The following ADAM2 variants were observed in gnomAD, a reference collection of about 807,000 sequenced individuals.
ADAM2 encodes the protein ADAM metallopeptidase domain 2.
A neutral mutation model predicts 99.3 loss-of-function variants in ADAM2; 101 were observed. That is an observed-to-expected ratio of 1.02 (90% CI 0.87 to 1.20). The LOEUF is 1.20. ADAM2 is among the 50% of genes most tolerant of loss of function. The pLI is 0.00. For missense variants in ADAM2, 948 were observed against 878.7 expected, an observed-to-expected ratio of 1.08 and a Z score of -1.00; for synonymous variants, 323 against 287.6, an observed-to-expected ratio of 1.12 and a Z score of -1.25.
intron 10 of ADAM2, among the ~76,000 whole-genome samples, chr8:39,778,426 T>A (rs1803085453): frequency 6.6e-6 from 1 of 152,076 alleles, no homozygotes; most frequent in Admixed American, 6.6e-5. Flanking sequence ...TACTACATCA[T>A]TGCAAGGATG....
intron 15 of ADAM2, among the ~76,000 whole-genome samples, chr8:39,756,472 C>A (rs1802156887): frequency 6.6e-6 from 1 of 152,178 alleles, no homozygotes; most frequent in Non-Finnish European, 1.5e-5. Flanking sequence ...TTGGCCCTTG[C>A]ATCCTGTTTG....
At chr8:39,754,972 T>A (rs2129583263) in intron 16 of ADAM2, among the ~76,000 whole-genome samples, 1 of 152,326 alleles carries the variant, frequency 6.6e-6, no homozygotes, top group Admixed American at 6.5e-5. Context: ...GAAAAATTGA[T>A]GGAAGGTTCA....
At chr8:39,778,609 C>G (rs962867763) in intron 10 of ADAM2, among the ~76,000 whole-genome samples, 1 of 151,922 alleles carries the variant, frequency 6.6e-6, no homozygotes, top group Non-Finnish European at 1.5e-5. Flanking sequence ...CTCCATTTAT[C>G]AAATTTCCAC....
At chr8:39,827,526 T>A (rs541496351) in intron 3 of ADAM2, among the ~76,000 whole-genome samples, 1 of 152,124 alleles carries the variant, frequency 6.6e-6, no homozygotes, top group Non-Finnish European at 1.5e-5. Context: ...GCAGTATATA[T>A]GCACAATGGA....
At chr8:39,797,195 G>T (rs922359520) in intron 7 of ADAM2, among the ~76,000 whole-genome samples, 1 of 152,184 alleles carries the variant, frequency 6.6e-6, no homozygotes, top group East Asian at 1.9e-4. Context: ...TTACATTTAA[G>T]TCTTTAATCC....
chr8:39,822,607 C>T (rs1455444432), intron 4 of ADAM2, among the ~76,000 whole-genome samples: 1 of 152,104 alleles, frequency 6.6e-6, no homozygotes, highest in Non-Finnish European at 1.5e-5. Flanking sequence ...TTTCTTTCTA[C>T]TTCATTTAGA....
chr8:39,768,299 A>G (rs1210754410), intron 12 of ADAM2, among the ~76,000 whole-genome samples: 2 of 152,166 alleles, frequency 1.3e-5, no homozygotes, highest in Non-Finnish European at 2.9e-5. Flanking sequence ...ATATCTCAGG[A>G]TCTATAAACA....
At chr8:39,791,711 G>A (rs1216997318) in intron 7 of ADAM2, among the ~76,000 whole-genome samples, 1 of 152,010 alleles carries the variant, frequency 6.6e-6, no homozygotes, top group Non-Finnish European at 1.5e-5. Context: ...GTGTTTTGTG[G>A]TGCTCCATTA....
At position 39,777,041 on chromosome 8, in the gene ADAM2, T is replaced by C. The variant is rs1671183759; in HGVS notation, c.1012A>G (p.Met338Val). 1.1e-5 allele frequency: 17 copies of C among 1,579,348 alleles called. No individual in the cohort carries two copies. The highest frequency in any genetic ancestry group is 1.5e-5 in the Non-Finnish European group (17 of 1,149,458). The part of the protein sequence containing the change: ...KCQCSGAVCI[M>V]NPEAIHFSGV... The stretch of plus-strand genomic sequence containing the variant: ...AAATCTTACATTGCTTCTGGATTCA[T>C]AATGCAGACAGCTCCTGAGCACTGG... Residue 338 changes from methionine to valine, a missense_variant, in exon 11 of 21, where the codon ATG becomes GTG. Coordinates refer to ENST00000265708, the MANE Select transcript of ADAM2 (RefSeq NM_001464.5).
At chr8:39,780,256 A>C (rs759445209) in intron 10 of ADAM2, among the ~76,000 whole-genome samples, 16 of 152,082 alleles carry the variant, frequency 1.1e-4, no homozygotes, top group Non-Finnish European at 1.8e-4. Flanking sequence ...CCATGATTCA[A>C]TACCTCCCAC....
chr8:39,748,377 A>T (rs966003529), intron 18 of ADAM2, among the ~76,000 whole-genome samples: 1 of 152,172 alleles, frequency 6.6e-6, no homozygotes, highest in Non-Finnish European at 1.5e-5. Context: ...AGCCAATGGG[A>T]AGATAAGCTA....
At chr8:39,770,541 TA>T (rs368742108) in intron 11 of ADAM2, among the ~76,000 whole-genome samples, 4 of 152,212 alleles carry the variant, frequency 2.6e-5, no homozygotes, top group Non-Finnish European at 4.4e-5. Flanking sequence ...ACAAATGAGT[TA>T]AAGTCTTGGT....
At chr8:39,819,592 T>G (rs1044457795) in intron 6 of ADAM2, among the ~76,000 whole-genome samples, 1 of 152,132 alleles carries the variant, frequency 6.6e-6, no homozygotes, top group African/African-American at 2.4e-5. Flanking sequence ...TACTCTTCAT[T>G]ATGTGGGTGA....
chr8:39,804,379 G>A (rs1804350015), intron 7 of ADAM2, among the ~76,000 whole-genome samples: 1 of 152,064 alleles, frequency 6.6e-6, no homozygotes, highest in South Asian at 2.1e-4. Flanking sequence ...TTCAATGGAA[G>A]AACTGAGTAC....
At chr8:39,808,164 C>G (rs1226384964) in intron 7 of ADAM2, among the ~76,000 whole-genome samples, 2 of 147,938 alleles carry the variant, frequency 1.4e-5, no homozygotes, top group Non-Finnish European at 3.0e-5. Context: ...ACAAAATGAT[C>G]CTGTATGCAG....
At chr8:39,776,495 G>A (rs576367519) in intron 11 of ADAM2, among the ~76,000 whole-genome samples, 11 of 152,076 alleles carry the variant, frequency 7.2e-5, no homozygotes, top group Admixed American at 2.0e-4. Flanking sequence ...CTATTTGATC[G>A]TATTTCTACA....
chr8:39,812,065 G>A (rs1334206869), intron 6 of ADAM2, among the ~76,000 whole-genome samples: 1 of 152,138 alleles, frequency 6.6e-6, no homozygotes, highest in Non-Finnish European at 1.5e-5. Flanking sequence ...AAGCTGATAA[G>A]CAACTTCAGC....
intron 3 of ADAM2, 53 bp downstream of exon 3, chr8:39,833,891 C>A: frequency 2.0e-6 from 2 of 1,006,778 alleles, no homozygotes; most frequent in Non-Finnish European, 3.1e-6. Context: ...CAATTTCAAG[C>A]AAAAATTATA....
Position 39,766,969 on chromosome 8 carries a change from A to G in ADAM2, c.1386T>C (p.Ser462=). The G allele has an allele frequency of 6.2e-7, 1 of 1,614,224 alleles. No homozygotes were observed. The highest frequency in any genetic ancestry group is 1.1e-5 in the South Asian group (1 of 91,090). ...CATAGTGGTTTTCTGGGCATGATGC[A>G]GATGATCCATTGCAATATTCAGGGA... ...CDLPEYCNGS[S]ASCPENHYVQ... The change falls in exon 14 of 21, where the codon TCT becomes TCC. Residue 462 remains serine, a synonymous_variant. Transcript: ENST00000265708.
Sources: gnomAD v4.1 joint callset for allele counts (sites outside exome capture counted in the v4.1 genomes callset) on GRCh38, gnomAD v4.1.1 for gene constraint, MANE v1.5 for transcripts, NCBI Gene and HGNC (gene_info 2026-07-23, HGNC 2026-07-21) for gene names.